Variants in NAV1 observed in about 807,000 individuals in gnomAD.
NAV1 encodes the protein neuron navigator 1, also known as pore membrane and/or filament interacting like protein 3.
In NAV1, 18 loss-of-function variants were observed where a neutral mutation model predicts 175.2. That is an observed-to-expected ratio of 0.10 (90% confidence interval 0.07 to 0.15). NAV1 has a LOEUF of 0.15. NAV1 is among the 10% of genes least tolerant of loss of function. The pLI, the probability that NAV1 is intolerant of heterozygous loss-of-function variation, is 1.00. For synonymous variants in NAV1, 897 were observed against 978.7 expected, an observed-to-expected ratio of 0.92 and a Z score of 1.56; for missense variants, 1,731 against 2,436.6, an observed-to-expected ratio of 0.71 and a Z score of 6.10.
rs1388370993 is a variant in NAV1, at chr1:201,750,622, T to G, written c.1227-29799T>G. ...CCAAGTCAGACAGAGGACATATTTT[T>G]AGTGCTCAAGTCATAGCTTGTATTT... On this transcript the variant is annotated intron_variant, in intron 3 of 29. Transcript: ENST00000367296. The surrounding 1 kb of genome is among the most constrained non-coding windows in gnomAD (Gnocchi z 4.1). 6.6e-6 allele frequency among the ~76,000 whole-genome samples: 1 copy of G among 152,180 alleles called. No homozygotes were observed. The highest frequency in any genetic ancestry group is 1.5e-5 in the Non-Finnish European group (1 of 68,032).
chr1:201,670,196 G>A (rs1204461162), intron 1 of NAV1, among the ~76,000 whole-genome samples: 4 of 151,116 alleles, frequency 2.6e-5, no homozygotes, highest in Non-Finnish European at 4.4e-5. Context: ...TCAAGACCAC[G>A]GTGAAACCCC....
intron 2 of NAV1, among the ~76,000 whole-genome samples, chr1:201,600,558 A>G (rs1667485619): frequency 1.3e-5 from 2 of 152,216 alleles, no homozygotes; most frequent in African/African-American, 4.8e-5. Context: ...TGTAAATTCT[A>G]AAATTAGGGG....
rs1671116962 is a variant in NAV1, at chr1:201,694,744, T to C, written c.758-18073T>C. The stretch of plus-strand genomic sequence containing the variant: ...AAAGTCAGGGATGGGCGAGATGCAG[T>C]CTCCAGAGTGACGCAGTGGGACGAG... On this transcript the variant is annotated intron_variant, in intron 1 of 29. Transcript: ENST00000367296. The surrounding 1 kb of genome is among the most constrained non-coding windows in gnomAD (Gnocchi z 4.2). Among the ~76,000 whole-genome samples, 1 of 152,276 alleles carries C rather than the reference T, an allele frequency of 6.6e-6. No homozygotes were observed. Among genetic ancestry groups the C allele is most frequent in the East Asian group, 1.9e-4 (1 of 5,172 alleles).
chr1:201,742,187 C>T (rs1455442376), intron 3 of NAV1, among the ~76,000 whole-genome samples: 2 of 152,230 alleles, frequency 1.3e-5, no homozygotes, highest in Non-Finnish European at 2.9e-5. Flanking sequence ...CAAGCCTTTG[C>T]TCTGGGGAGG....
At chr1:201,710,827 C>G (rs776496845) in intron 1 of NAV1, among the ~76,000 whole-genome samples, 4 of 152,168 alleles carry the variant, frequency 2.6e-5, no homozygotes, top group Non-Finnish European at 4.4e-5. Context: ...ATAATGCATG[C>G]AAAGGGTCTG....
chr1:201,729,453 C>T (rs140377349), intron 3 of NAV1, among the ~76,000 whole-genome samples: 1,681 of 151,814 alleles, frequency 0.011, 56 homozygotes, highest in East Asian at 0.11. Context: ...CCAGCCTGGC[C>T]AACATGGTGA....
intron 3 of NAV1, among the ~76,000 whole-genome samples, chr1:201,759,591 T>C (rs1182663110): frequency 6.6e-6 from 1 of 152,230 alleles, no homozygotes; most frequent in Non-Finnish European, 1.5e-5. Flanking sequence ...TGCATGCTTG[T>C]CCAGCAATGC....
At chr1:201,608,034 G>GT (rs1667739235) in intron 2 of NAV1, among the ~76,000 whole-genome samples, 1 of 151,954 alleles carries the variant, frequency 6.6e-6, no homozygotes, top group African/African-American at 2.4e-5. Flanking sequence ...GATTTTCCAA[G>GT]TTTTTTCTAA....
At chr1:201,800,763 C>T (rs1419038528) in intron 15 of NAV1, among the ~76,000 whole-genome samples, 1 of 145,874 alleles carries the variant, frequency 6.9e-6, no homozygotes, top group Non-Finnish European at 1.5e-5. Context: ...TATATGGATA[C>T]GTATATTCAT....
At chr1:201,591,944 G>C (rs547468217) in intron 2 of NAV1, among the ~76,000 whole-genome samples, 2 of 152,336 alleles carry the variant, frequency 1.3e-5, no homozygotes, top group South Asian at 4.1e-4. Flanking sequence ...CACCTGGATA[G>C]AGCAACCCTG....
At position 201,544,423 on chromosome 1, in the gene NAV1, A is replaced by C. The variant is rs557206320; in HGVS notation, c.-144+5081A>C. Among the ~76,000 whole-genome samples, 3 of 152,292 alleles carry C rather than the reference A, an allele frequency of 2.0e-5. No individual in the cohort carries two copies. In the East Asian group the frequency reaches 5.8e-4, roughly 29 times the overall value. On this transcript the variant is annotated intron_variant, in intron 1 of 33. Transcript: ENST00000685211. ...ATAGAGTAAATACCAACTTCTGTAA[A>C]ATGAAACTTTCAAAGTTGGAAAGAA...
intron 1 of NAV1, among the ~76,000 whole-genome samples, chr1:201,564,064 T>C (rs1666281979): frequency 6.7e-6 from 1 of 148,324 alleles, no homozygotes; most frequent in South Asian, 2.2e-4. Context: ...ACCACTGCAC[T>C]CCAGCCTGGG....
rs1459917743 is a variant in NAV1 at position 201,786,369 on chromosome 1, A to G, written c.2847-60A>G. 10 of 1,548,690 alleles carry G rather than the reference A, an allele frequency of 6.5e-6. No homozygotes were observed. The African/African-American group carries it at 6.8e-5, about 10-fold the overall frequency. ...GCCTAGTTCAGACACCCTCCGCACC[A>G]ACTAAACCTCTGACCGCACTTGCTA... On this transcript the variant is annotated intron_variant, in intron 8 of 29. Coordinates refer to ENST00000367296, the Ensembl canonical transcript of NAV1.
At chr1:201,557,907 T>C (rs1666078031) in intron 1 of NAV1, among the ~76,000 whole-genome samples, 1 of 152,014 alleles carries the variant, frequency 6.6e-6, no homozygotes, top group South Asian at 2.1e-4. Flanking sequence ...GGGCGGTGAC[T>C]GAGCTGTGCA....
At chr1:201,598,815 G>A (rs1259105537) in intron 2 of NAV1, among the ~76,000 whole-genome samples, 2 of 152,318 alleles carry the variant, frequency 1.3e-5, no homozygotes, top group Middle Eastern at 6.8e-3. Flanking sequence ...CCGGCCATGA[G>A]GAACCCGAGT....
intron 2 of NAV1, among the ~76,000 whole-genome samples, chr1:201,639,803 G>A (rs573221974): frequency 2.1e-4 from 32 of 152,250 alleles, no homozygotes; most frequent in Non-Finnish European, 3.8e-4. Context: ...GGGGGGCCCC[G>A]GCCTCCAGCT....
chr1:201,626,039 A>G (rs1215655993), intron 1 of NAV1, among the ~76,000 whole-genome samples: 10 of 152,140 alleles, frequency 6.6e-5, no homozygotes, highest in Non-Finnish European at 1.3e-4. Context: ...ACTCATCACC[A>G]TGGTGGTTAG....
At position 201,756,068 on chromosome 1, in the gene NAV1, T is replaced by C. The variant is rs149855799; in HGVS notation, c.1227-24353T>C. 3.1e-3 allele frequency among the ~76,000 whole-genome samples: 462 copies of C among 149,108 alleles called. 4 individuals are homozygous for C. Among genetic ancestry groups the C allele is most frequent in the African/African-American group, 0.011 (435 of 40,076 alleles). Reference sequence around the variant, plus strand: ...GTTGCAGTGAGCTGAGGTTGCGCCATTGCACTCCAGCCTGGTGACTGAGTG... The same window carrying C: ...GTTGCAGTGAGCTGAGGTTGCGCCACTGCACTCCAGCCTGGTGACTGAGTG... On this transcript the variant is annotated intron_variant, in intron 3 of 29. Transcript: ENST00000367296.
intron 1 of NAV1, among the ~76,000 whole-genome samples, chr1:201,667,544 A>G (rs74432594): frequency 0.025 from 3,838 of 152,208 alleles, 162 homozygotes; most frequent in African/African-American, 0.087. Context: ...GTCTCCTGCC[A>G]TCTATTCCTA....
Sources: allele counts gnomAD v4.1 joint callset (sites outside exome capture counted in the v4.1 genomes callset), GRCh38; gene constraint gnomAD v4.1.1; non-coding constraint Gnocchi (gnomAD v3.1); transcripts MANE v1.5; gene names NCBI Gene and HGNC (gene_info 2026-07-23, HGNC 2026-07-21).